Variants in NSMCE1 observed in about 807,000 individuals in gnomAD.
NSMCE1 encodes the protein non-structural maintenance of chromosomes element 1 homolog.
NSMCE1 carries 18 observed loss-of-function variants against 29.6 expected under a neutral mutation model. The observed-to-expected ratio is 0.61, with a 90% CI of 0.42 to 0.90. The LOEUF is 0.90. Among genes scored for constraint, NSMCE1 ranks in the 40% least tolerant of loss-of-function variants. The probability of loss-of-function intolerance (pLI) is 0.00; values close to 1 mark genes in which losing one functional copy is unlikely to be tolerated. For synonymous variants in NSMCE1, 124 were observed against 133.4 expected, an observed-to-expected ratio of 0.93 and a Z score of 0.49; for missense variants, 314 against 343.6, an observed-to-expected ratio of 0.91 and a Z score of 0.68.
chr16:27,253,242 G>C (rs1227390815), intron 2 of NSMCE1, among the ~76,000 whole-genome samples: 2 of 152,230 alleles, frequency 1.3e-5, no homozygotes, highest in African/African-American at 4.8e-5. Context: ...AGAAACACAG[G>C]TAGCCCAGGA....
At chr16:27,229,017 T>C (rs1436664987) in intron 5 of NSMCE1, among the ~76,000 whole-genome samples, 1 of 152,004 alleles carries the variant, frequency 6.6e-6, no homozygotes, top group Admixed American at 6.6e-5. Context: ...AGCCTGGCCC[T>C]GTCACTCCCA....
At chr16:27,247,652 C>A (rs2083971772) in intron 2 of NSMCE1, among the ~76,000 whole-genome samples, 1 of 152,166 alleles carries the variant, frequency 6.6e-6, no homozygotes, top group African/African-American at 2.4e-5. Context: ...TATGGCCGGG[C>A]ACAGTGGCTC....
At chr16:27,252,284 A>G (rs2084042917) in intron 2 of NSMCE1, among the ~76,000 whole-genome samples, 1 of 152,164 alleles carries the variant, frequency 6.6e-6, no homozygotes, top group Non-Finnish European at 1.5e-5. Flanking sequence ...ATCTGAGGAG[A>G]AGAGAGGGAC....
chr16:27,227,301 A>G (rs1161951625), intron 5 of NSMCE1, among the ~76,000 whole-genome samples: 1 of 151,986 alleles, frequency 6.6e-6, no homozygotes, highest in Admixed American at 6.6e-5. Context: ...TCTGCCTCCA[A>G]CTGCAGTAGG....
intron 5 of NSMCE1, among the ~76,000 whole-genome samples, chr16:27,231,627 A>C (rs2083763285): frequency 6.7e-6 from 1 of 148,576 alleles, no homozygotes; most frequent in Non-Finnish European, 1.5e-5. Flanking sequence ...ACAAGAGCAA[A>C]ACTCCATCTT....
intron 6 of NSMCE1, 125 bp downstream of exon 6, chr16:27,226,595 T>C: frequency 1.6e-6 from 1 of 642,948 alleles, no homozygotes; most frequent in Non-Finnish European, 2.7e-6. Context: ...CGCCAGCTCT[T>C]GTGGGAGGAT....
At chr16:27,260,858 CA>C (rs55762579) in intron 1 of NSMCE1, among the ~76,000 whole-genome samples, 215 of 87,946 alleles carry the variant, frequency 2.4e-3, no homozygotes, top group Admixed American at 2.8e-3. Flanking sequence ...GACCCTGTCT[CA>C]AAAAAAAAAA....
chr16:27,264,070 A>G (rs2084192418), intron 1 of NSMCE1, among the ~76,000 whole-genome samples: 1 of 152,094 alleles, frequency 6.6e-6, no homozygotes, highest in South Asian at 2.1e-4. Context: ...AGCTATAAAG[A>G]CTTCTCATAT....
At chr16:27,231,800 G>A (rs1156886106) in intron 5 of NSMCE1, among the ~76,000 whole-genome samples, 1 of 152,030 alleles carries the variant, frequency 6.6e-6, no homozygotes, top group Non-Finnish European at 1.5e-5. Flanking sequence ...CCCAAACCGG[G>A]GCCTGAACTC....
intron 6 of NSMCE1, chr16:27,226,373 T>G: frequency 3.5e-6 from 1 of 286,784 alleles, no homozygotes; most frequent in Non-Finnish European, 6.6e-6. Flanking sequence ...AAACCAGTGT[T>G]AAGACCACTC....
chr16:27,253,941 T>G (rs186264755), intron 2 of NSMCE1, among the ~76,000 whole-genome samples: 4 of 152,322 alleles, frequency 2.6e-5, no homozygotes, highest in Admixed American at 2.6e-4. Context: ...TTGTTTCCCC[T>G]TAACGACAGT....
intron 2 of NSMCE1, among the ~76,000 whole-genome samples, chr16:27,252,056 C>T (rs2084040776): frequency 6.6e-6 from 1 of 152,214 alleles, no homozygotes; most frequent in Non-Finnish European, 1.5e-5. Flanking sequence ...GTACTGCTCA[C>T]TCCCACTATC....
At chr16:27,240,088 C>T (rs2083875798) in intron 2 of NSMCE1, among the ~76,000 whole-genome samples, 1 of 152,192 alleles carries the variant, frequency 6.6e-6, no homozygotes, top group Non-Finnish European at 1.5e-5. Flanking sequence ...GTTTCCGTAA[C>T]TTGGAAGGAA....
chr16:27,228,258 G>C (rs1329934384), intron 5 of NSMCE1, among the ~76,000 whole-genome samples: 2 of 152,174 alleles, frequency 1.3e-5, no homozygotes, highest in African/African-American at 2.4e-5. Flanking sequence ...GTGGGGTTGG[G>C]GCATGGACAG....
chr16:27,234,402 G>T (rs1020580264), intron 3 of NSMCE1, 137 bp from the exon 4 acceptor site: 1 of 688,870 alleles, frequency 1.5e-6, no homozygotes, highest in Non-Finnish European at 2.7e-6. Flanking sequence ...GGGCCGCAGG[G>T]ATGGATCTGT....
intron 2 of NSMCE1, among the ~76,000 whole-genome samples, chr16:27,247,428 ACTT>A (rs1432646675): frequency 1.3e-5 from 2 of 152,084 alleles, no homozygotes; most frequent in Admixed American, 1.3e-4. Flanking sequence ...AGTCAATTAA[ACTT>A]CTTCCCTTTA....
Position 27,225,001 on chromosome 16 carries a change from A to G in NSMCE1, c.*156T>C. ...TCGAGAACACAGACGGGCTGCAGCA[A>G]CTTCCCAGGATGGTTTATTCCAAAG... On this transcript the variant is annotated 3_prime_UTR_variant, in exon 8 of 8. Transcript: ENST00000361439. 1 of 589,314 alleles carries G rather than the reference A, an allele frequency of 1.7e-6. No homozygotes were observed. Among genetic ancestry groups the G allele is most frequent in the Non-Finnish European group, 3.0e-6 (1 of 328,884 alleles). 36.5% of individuals were successfully genotyped at this position (589,314 alleles called of 1,614,324 possible).
intron 2 of NSMCE1, among the ~76,000 whole-genome samples, chr16:27,238,145 G>C (rs1037567253): frequency 7.9e-5 from 12 of 152,204 alleles, no homozygotes; most frequent in Admixed American, 2.0e-4. Flanking sequence ...GTGGCGTGGT[G>C]GCATGGGGCC....
intron 1 of NSMCE1, among the ~76,000 whole-genome samples, chr16:27,262,243 CAA>C (rs34046376): frequency 0.42 from 53,264 of 125,800 alleles, 10,572 homozygotes; most frequent in African/African-American, 0.57. Context: ...GACTTCATCT[CAA>C]AAAAAAAAAA....
Sources: gnomAD v4.1 joint callset for allele counts (sites outside exome capture counted in the v4.1 genomes callset) on GRCh38, gnomAD v4.1.1 for gene constraint, MANE v1.5 for transcripts, NCBI Gene and HGNC (gene_info 2026-07-23, HGNC 2026-07-21) for gene names.